SLC14A2: variants seen among roughly 807,000 people sequenced by gnomAD.
SLC14A2 encodes the protein solute carrier family 14 member 2.
Under a neutral mutation model 104.6 loss-of-function variants are expected in SLC14A2, and 91 were observed. The ratio of observed to expected loss-of-function variants is 0.87; its 90% CI spans 0.73 to 1.04. The LOEUF is 1.04. Ranked by LOEUF, SLC14A2 falls within the 50% of genes least tolerant of loss-of-function variation. The pLI is 0.00. For synonymous variants in SLC14A2, 476 were observed against 466.4 expected (o/e 1.02, Z -0.27); for missense variants, 1,189 against 1,156.0 (o/e 1.03, Z -0.41).
intron 1 of SLC14A2, among the ~76,000 whole-genome samples, chr18:45,482,799 CA>C (rs1370193243): frequency 4.6e-5 from 7 of 152,260 alleles, no homozygotes; most frequent in African/African-American, 1.7e-4. Flanking sequence ...AGTGATCACA[CA>C]GTTATACAAT....
chr18:45,426,802 T>A (rs2086439562), intron 1 of SLC14A2, among the ~76,000 whole-genome samples: 2 of 151,804 alleles, frequency 1.3e-5, no homozygotes, highest in Non-Finnish European at 2.9e-5. Context: ...AGCAGAGTAT[T>A]GTCCCAGGTT....
chr18:45,471,515 ATTC>A (rs1647689393), intron 1 of SLC14A2, among the ~76,000 whole-genome samples: 1 of 152,136 alleles, frequency 6.6e-6, no homozygotes, highest in Admixed American at 6.5e-5. Flanking sequence ...ATTTTTTAGT[ATTC>A]TTCAAATACT....
At chr18:45,648,446 T>C (rs1320481441) in intron 10 of SLC14A2, among the ~76,000 whole-genome samples, 5 of 151,898 alleles carry the variant, frequency 3.3e-5, no homozygotes, top group South Asian at 2.1e-4. Flanking sequence ...ACCTCGTGAT[T>C]CGCCCACCTC....
chr18:45,436,791 T>C (rs1300585348), intron 1 of SLC14A2: 3 of 45,196 alleles, frequency 6.6e-5, no homozygotes, highest in Non-Finnish European at 1.2e-4. Context: ...GGCTGGAGAT[T>C]TCTTTCTTTT....
rs1007081844 is a variant in SLC14A2, at chr18:45,682,969, C to G, written c.*450C>G. ...ATTAGCCAGGCATGGTGGCGGGCACCTGTAGTCCCAGCTACTTGGGAGGCT... is the reference window on the plus strand; with the variant it reads ...ATTAGCCAGGCATGGTGGCGGGCACGTGTAGTCCCAGCTACTTGGGAGGCT... On this transcript the variant is annotated 3_prime_UTR_variant, in exon 20 of 20. Coordinates refer to ENST00000255226, the MANE Select transcript of SLC14A2 (RefSeq NM_007163.4). The G allele has an allele frequency of 1.1e-5, 2 of 175,578 alleles. No individual in the cohort carries two copies. Among genetic ancestry groups the G allele is most frequent in the Admixed American group, 1.1e-4 (2 of 18,486 alleles). 10.9% of individuals were successfully genotyped at this position (175,578 alleles called of 1,614,324 possible).
Position 45,673,689 on chromosome 18 carries a change from C to T in SLC14A2, c.2384C>T (p.Thr795Ile). ...GSTMGMLAAL[T>I]IATPFDSIYF... ...TGCCTGCCTTCTGTCACAGCACTCA[C>T]TATTGCGACGCCCTTTGACTCCATC... is the stretch of plus-strand genomic sequence containing the variant. Residue 795 changes from threonine to isoleucine, a missense_variant, in exon 18 of 20, where the codon ACT becomes ATT. By Grantham distance (89) the Thr-to-Ile change is moderately conservative (BLOSUM62 -1). Transcript: ENST00000255226. The T allele has an allele frequency of 6.2e-7, 1 of 1,614,070 alleles. No individual in the cohort carries two copies. Among genetic ancestry groups the T allele is most frequent in the Non-Finnish European group, 8.5e-7 (1 of 1,179,944 alleles).
chr18:45,526,790 G>T (rs2043599074), intron 2 of SLC14A2, among the ~76,000 whole-genome samples: 1 of 152,168 alleles, frequency 6.6e-6, no homozygotes, highest in Non-Finnish European at 1.5e-5. Context: ...GCCAGGCAAA[G>T]TAGGGTGGGT....
At chr18:45,654,277 A>G (rs890776992) in intron 10 of SLC14A2, among the ~76,000 whole-genome samples, 11 of 152,120 alleles carry the variant, frequency 7.2e-5, no homozygotes, top group African/African-American at 2.4e-4. Flanking sequence ...AGCAAGTCAG[A>G]CAGAGGATGA....
intron 2 of SLC14A2, among the ~76,000 whole-genome samples, chr18:45,554,191 T>C (rs1196440705): frequency 1.3e-5 from 2 of 152,134 alleles, no homozygotes; most frequent in Non-Finnish European, 2.9e-5. Context: ...CCACGTGATA[T>C]GAGACAATGT....
rs115610339 is a variant in SLC14A2, at chr18:45,290,327, C to A, written c.-125+77136C>A. 6.6e-3 allele frequency among the ~76,000 whole-genome samples: 1,008 copies of A among 152,254 alleles called. 10 individuals carry two copies. The highest frequency in any genetic ancestry group is 0.022 in the African/African-American group (934 of 41,530). ...TCCATTCTTTATGCCCATGTCATTG[C>A]AAAATTTTTTGTGCCCACATTGTTA... is the stretch of plus-strand genomic sequence containing the variant. On this transcript the variant is annotated intron_variant, in intron 1 of 20. Transcript: ENST00000586448.
upstream of SLC14A2, among the ~76,000 whole-genome samples, chr18:45,614,268 A>T (rs1053078573): frequency 1.3e-5 from 2 of 152,230 alleles, no homozygotes; most frequent in African/African-American, 4.8e-5. Context: ...TAGATTTCAG[A>T]GGATGTATGA....
chr18:45,371,445 T>G (rs1251581925), intron 1 of SLC14A2, among the ~76,000 whole-genome samples: 2 of 152,212 alleles, frequency 1.3e-5, no homozygotes, highest in Non-Finnish European at 2.9e-5. Flanking sequence ...TATTGAACCC[T>G]AACACCATAC....
At chr18:45,188,687 A>G in the SLC14A2 span, among the ~76,000 whole-genome samples, 1 of 152,146 alleles carries the variant, frequency 6.6e-6, no homozygotes. Flanking sequence ...TTCTGCAGTG[A>G]GGGTTTGCCT....
At chr18:45,382,807 T>C (rs12604707) in intron 1 of SLC14A2, among the ~76,000 whole-genome samples, 15,168 of 152,264 alleles carry the variant, frequency 0.1, 1,468 homozygotes, top group African/African-American at 0.25. Flanking sequence ...GCTGTAGATA[T>C]CCCTTTTTTC....
rs559749741 is a variant in SLC14A2 at position 45,524,193 on chromosome 18, C to A, written c.-35+40871C>A. Among the ~76,000 whole-genome samples the A allele has an allele frequency of 2.0e-5, 3 of 152,236 alleles. No individual in the cohort carries two copies. The South Asian group carries it at 6.2e-4, about 32-fold the overall frequency. ...ATTACTTATTCTTTACTATTCTCAG[C>A]CTTAGACTGTGAGACTTGACTGTTT... On this transcript the variant is annotated intron_variant, in intron 2 of 20. Transcript: ENST00000586448.
chr18:45,411,246 C>T (rs1210040077), intron 1 of SLC14A2, among the ~76,000 whole-genome samples: 1 of 152,158 alleles, frequency 6.6e-6, no homozygotes, highest in African/African-American at 2.4e-5. Context: ...TACACAGGAG[C>T]TTAATGTGTA....
At chr18:45,175,736 C>A in the SLC14A2 span, among the ~76,000 whole-genome samples, 1 of 152,122 alleles carries the variant, frequency 6.6e-6, no homozygotes, top group South Asian at 2.1e-4. Context: ...ATTATTGGGC[C>A]ATGAGGTGAG....
At position 45,624,636 on chromosome 18, in the gene SLC14A2, C is replaced by A; in HGVS notation, c.-29C>A. 6.3e-7 allele frequency: 1 copy of A among 1,598,246 alleles called. No individual in the cohort carries two copies. The highest frequency in any genetic ancestry group is 1.1e-5 in the South Asian group (1 of 88,092). ...TTCCCTTTCCTTCCGTCTAGTCCAT[C>A]GATAGAAGAGTGGCTGTGACCCGAA... On this transcript the variant is annotated 5_prime_UTR_variant, in exon 2 of 20. Coordinates refer to ENST00000255226, the MANE Select transcript of SLC14A2 (RefSeq NM_007163.4).
intron 1 of SLC14A2, among the ~76,000 whole-genome samples, chr18:45,216,433 C>T (rs1037989822): frequency 9.2e-5 from 14 of 152,146 alleles, no homozygotes; most frequent in African/African-American, 3.1e-4. Context: ...TTTGTGCTGG[C>T]ATCTGCCTGC....
Sources: allele counts gnomAD v4.1 joint callset (sites outside exome capture counted in the v4.1 genomes callset), GRCh38; gene constraint gnomAD v4.1.1; transcripts MANE v1.5; gene names NCBI Gene and HGNC (gene_info 2026-07-23, HGNC 2026-07-21).